NEGR1: variants seen among roughly 807,000 people sequenced by gnomAD.
NEGR1 encodes neuronal growth regulator 1.
Under a neutral mutation model 40.9 loss-of-function variants are expected in NEGR1, and 10 were observed. That is an observed-to-expected ratio of 0.24 (90% confidence interval 0.15 to 0.42). The LOEUF (loss-of-function observed/expected upper bound fraction) is 0.42. NEGR1 is among the 10% of genes least tolerant of loss of function. The pLI, the probability that NEGR1 is intolerant of heterozygous loss-of-function variation, is 1.00. For missense variants in NEGR1, 352 were observed against 438.9 expected (o/e 0.80, Z 1.77); for synonymous variants, 185 against 166.8 (o/e 1.11, Z -0.84).
At chr1:71,588,866 G>A (rs1251246151) in intron 6 of NEGR1, among the ~76,000 whole-genome samples, 4 of 152,096 alleles carry the variant, frequency 2.6e-5, no homozygotes, top group Admixed American at 6.6e-5. Flanking sequence ...GTATCTTTGC[G>A]GATCAGGGAG....
At chr1:71,565,026 A>G (rs998639456) in intron 6 of NEGR1, among the ~76,000 whole-genome samples, 2 of 152,148 alleles carry the variant, frequency 1.3e-5, no homozygotes, top group African/African-American at 4.8e-5. Context: ...CAAATTTTGC[A>G]TGATATTTTA....
chr1:72,192,666 C>T (rs1489648263), intron 1 of NEGR1, among the ~76,000 whole-genome samples: 1 of 151,762 alleles, frequency 6.6e-6, no homozygotes, highest in African/African-American at 2.4e-5. Flanking sequence ...AATTAAGCTT[C>T]CAATATTCCA....
chr1:72,047,116 G>T (rs750241675), intron 1 of NEGR1, among the ~76,000 whole-genome samples: 6 of 151,126 alleles, frequency 4.0e-5, no homozygotes, highest in African/African-American at 1.5e-4. Flanking sequence ...TCATTTAAAA[G>T]ATTAGTTTTG....
intron 2 of NEGR1, among the ~76,000 whole-genome samples, chr1:71,804,910 C>T (rs1007187855): frequency 2.0e-5 from 3 of 152,158 alleles, no homozygotes; most frequent in Admixed American, 1.3e-4. Flanking sequence ...CCATATTTCT[C>T]TTCTTTCAAA....
chr1:72,077,891 G>T (rs1233088319), intron 1 of NEGR1, among the ~76,000 whole-genome samples: 1 of 152,106 alleles, frequency 6.6e-6, no homozygotes, highest in African/African-American at 2.4e-5. Context: ...GAAAAGAACA[G>T]TCAACAACCC....
At chr1:71,667,697 C>A (rs1048565569) in intron 4 of NEGR1, among the ~76,000 whole-genome samples, 3 of 152,076 alleles carry the variant, frequency 2.0e-5, no homozygotes, top group African/African-American at 7.2e-5. Context: ...TTTAATTTAC[C>A]ATTGAATTTA....
At chr1:71,682,842 G>A (rs956933906) in intron 4 of NEGR1, among the ~76,000 whole-genome samples, 4 of 152,078 alleles carry the variant, frequency 2.6e-5, no homozygotes, top group African/African-American at 9.7e-5. Context: ...ATAACTGATT[G>A]TTCAAAAGAG....
intron 3 of NEGR1, among the ~76,000 whole-genome samples, chr1:71,704,191 A>G (rs1443603125): frequency 6.6e-6 from 1 of 151,620 alleles, no homozygotes; most frequent in African/African-American, 2.4e-5. Context: ...ACACACACAC[A>G]CACACACACA....
intron 4 of NEGR1, among the ~76,000 whole-genome samples, chr1:71,694,936 A>G (rs1055014311): frequency 6.6e-6 from 1 of 151,792 alleles, no homozygotes; most frequent in African/African-American, 2.4e-5. Flanking sequence ...TACTGTCTTT[A>G]GGGAATCTTC....
intron 2 of NEGR1, among the ~76,000 whole-genome samples, chr1:71,803,562 G>A (rs1657639589): frequency 1.3e-5 from 2 of 152,092 alleles, no homozygotes; most frequent in Admixed American, 1.3e-4. Flanking sequence ...CATTTCCGTG[G>A]CTCAGGGGCT....
intron 1 of NEGR1, among the ~76,000 whole-genome samples, chr1:72,162,331 G>C (rs1213730816): frequency 2.3e-5 from 2 of 85,694 alleles, no homozygotes; most frequent in Admixed American, 1.2e-4. Flanking sequence ...TGGGTGTGGT[G>C]ATAGGTGCCT....
At chr1:71,741,021 A>G (rs1432041239) in intron 3 of NEGR1, among the ~76,000 whole-genome samples, 1 of 152,140 alleles carries the variant, frequency 6.6e-6, no homozygotes, top group Admixed American at 6.5e-5. Context: ...AGAAAATGGG[A>G]ATGAGTTTAG....
intron 2 of NEGR1, among the ~76,000 whole-genome samples, chr1:71,814,684 C>A (rs962834979): frequency 2.6e-5 from 4 of 152,004 alleles, no homozygotes; most frequent in South Asian, 2.1e-4. Flanking sequence ...TCTAGATTTT[C>A]TAGTTTATTT....
intron 4 of NEGR1, among the ~76,000 whole-genome samples, chr1:71,644,066 C>T (rs1651446422): frequency 6.6e-6 from 1 of 151,908 alleles, no homozygotes; most frequent in African/African-American, 2.4e-5. Context: ...CAGGTCCTTG[C>T]TGCCCAAAAG....
At chr1:72,142,012 G>A (rs1438311151) in intron 1 of NEGR1, among the ~76,000 whole-genome samples, 2 of 151,950 alleles carry the variant, frequency 1.3e-5, no homozygotes, top group African/African-American at 2.4e-5. Context: ...GTAGCTGCAT[G>A]AACACTGTAC....
chr1:71,934,426 G>A (rs1232052091), intron 2 of NEGR1, among the ~76,000 whole-genome samples: 3 of 152,008 alleles, frequency 2.0e-5, no homozygotes, highest in Non-Finnish European at 4.4e-5. Context: ...AAACCATTGT[G>A]TACATATTTT....
At chr1:71,711,678 G>A (rs1654097046) in intron 3 of NEGR1, among the ~76,000 whole-genome samples, 1 of 152,070 alleles carries the variant, frequency 6.6e-6, no homozygotes, top group Admixed American at 6.6e-5. Flanking sequence ...TTCAACAACT[G>A]TGTGAATGAT....
chr1:71,961,374 G>T (rs1193243701), intron 1 of NEGR1, among the ~76,000 whole-genome samples: 1 of 152,164 alleles, frequency 6.6e-6, no homozygotes, highest in Non-Finnish European at 1.5e-5. Context: ...ATTTATAGAT[G>T]ACACTAATTT....
Position 71,404,377 on chromosome 1 carries a change from A to G in NEGR1, c.*3069T>C, listed in dbSNP as rs1646264625. ...ACTTGGGCAGTACTTTTTATTATAT[A>G]ATTGCTGCATAATAGGAACTTAATG... On this transcript the variant is annotated 3_prime_UTR_variant, in exon 7 of 7. Coordinates refer to ENST00000357731, the MANE Select transcript of NEGR1 (RefSeq NM_173808.3). 1 of 152,110 alleles carries G rather than the reference A, an allele frequency of 6.6e-6. No individual in the cohort carries two copies. The highest frequency in any genetic ancestry group is 6.6e-5 in the Admixed American group (1 of 15,190). The allele number at this position is 152,110 out of a possible 1,614,324, so 9.4% of individuals were successfully genotyped here. A position where few individuals can be genotyped will look rare whatever the true frequency, so the allele number is the denominator to read the frequency against.
Sources: gnomAD v4.1 joint callset for allele counts (sites outside exome capture counted in the v4.1 genomes callset) on GRCh38, gnomAD v4.1.1 for gene constraint, MANE v1.5 for transcripts, NCBI Gene and HGNC (gene_info 2026-07-23, HGNC 2026-07-21) for gene names.